The following MBOAT2 variants were observed in gnomAD, a reference collection of about 807,000 sequenced individuals.
The protein encoded by MBOAT2 is membrane bound glycerophospholipid O-acyltransferase 2, also known as membrane-bound glycerophospholipid O-acyltransferase 2.
Under a neutral mutation model 63.4 loss-of-function variants are expected in MBOAT2, and 28 were observed. The ratio of observed to expected loss-of-function variants is 0.44; its 90% CI spans 0.33 to 0.61. The LOEUF (loss-of-function observed/expected upper bound fraction) is 0.61. Among genes scored for constraint, MBOAT2 ranks in the 20% least tolerant of loss-of-function variants. The probability of loss-of-function intolerance (pLI) is 0.03; values close to 1 mark genes in which losing one functional copy is unlikely to be tolerated. For missense variants in MBOAT2, 470 were observed against 605.8 expected (o/e 0.78, Z 2.35); for synonymous variants, 211 against 215.6 (o/e 0.98, Z 0.19).
At chr2:8,915,415 G>A (rs1222506398) in intron 3 of MBOAT2, among the ~76,000 whole-genome samples, 2 of 152,128 alleles carry the variant, frequency 1.3e-5, no homozygotes, top group Non-Finnish European at 2.9e-5. Context: ...CACCCATGAG[G>A]TAATCAGCTG....
intron 1 of MBOAT2, among the ~76,000 whole-genome samples, chr2:8,963,680 G>C (rs923932000): frequency 2.0e-5 from 3 of 152,190 alleles, no homozygotes; most frequent in Non-Finnish European, 2.9e-5. Context: ...TGATATGGAA[G>C]ATTACCAAGA....
chr2:8,969,672 A>C (rs1419091619), intron 1 of MBOAT2, among the ~76,000 whole-genome samples: 1 of 152,206 alleles, frequency 6.6e-6, no homozygotes, highest in Non-Finnish European at 1.5e-5. Flanking sequence ...GGGATGGAGG[A>C]AGATCTACCA....
intron 3 of MBOAT2, among the ~76,000 whole-genome samples, chr2:8,939,273 T>C (rs1453104125): frequency 6.6e-6 from 1 of 152,172 alleles, no homozygotes. Context: ...CCCACATCCA[T>C]GTCCTGTGCC....
chr2:8,862,346 G>T lies in MBOAT2; in HGVS notation c.1185+244C>A, dbSNP rs1661553051. ...TTCTGTAAAGACAAAGTAACATTTT[G>T]TGAGTGCCTCCTACCTGCCGGGCAC... On this transcript the variant is annotated intron_variant, in intron 11 of 12. Coordinates refer to ENST00000305997, the MANE Select transcript of MBOAT2 (RefSeq NM_138799.4). This position sits in a 1 kb window ranked among gnomAD's most constrained non-coding sequence, Gnocchi z 4.3. The T allele has an allele frequency of 2.8e-6, 4 of 1,432,390 alleles. No homozygotes were observed. The highest frequency in any genetic ancestry group is 1.2e-5 in the South Asian group (1 of 81,716). The allele number at this position is 1,432,390 out of a possible 1,614,324, so 88.7% of individuals were successfully genotyped here.
chr2:8,944,513 G>A (rs890456403), intron 2 of MBOAT2, among the ~76,000 whole-genome samples: 2 of 152,106 alleles, frequency 1.3e-5, no homozygotes, highest in Admixed American at 6.5e-5. Flanking sequence ...CACCTCCAAT[G>A]TGGAAAAGTT....
At chr2:8,880,224 G>A (rs1663009849) in intron 6 of MBOAT2, among the ~76,000 whole-genome samples, 1 of 151,944 alleles carries the variant, frequency 6.6e-6, no homozygotes, top group Non-Finnish European at 1.5e-5. Flanking sequence ...AGAAAATGAG[G>A]GTTTGTACTG....
At chr2:8,952,658 A>C (rs1259963252) in intron 2 of MBOAT2, among the ~76,000 whole-genome samples, 1 of 151,878 alleles carries the variant, frequency 6.6e-6, no homozygotes, top group East Asian at 1.9e-4. Context: ...CTTGAGAGGG[A>C]GGATTTTATG....
At chr2:8,892,838 AT>A (rs1375166676) in intron 4 of MBOAT2, among the ~76,000 whole-genome samples, 2 of 152,076 alleles carry the variant, frequency 1.3e-5, no homozygotes, top group African/African-American at 4.8e-5. Context: ...ATGTTGGAGG[AT>A]CAGTACGGAG....
At chr2:8,945,647 A>C (rs1668362658) in intron 2 of MBOAT2, among the ~76,000 whole-genome samples, 1 of 152,132 alleles carries the variant, frequency 6.6e-6, no homozygotes, top group Admixed American at 6.5e-5. Flanking sequence ...TGATTCTCTA[A>C]GGAATGCAGC....
chr2:8,896,538 T>C (rs1242423949), intron 4 of MBOAT2, among the ~76,000 whole-genome samples: 4 of 152,236 alleles, frequency 2.6e-5, no homozygotes, highest in Non-Finnish European at 2.9e-5. Context: ...GGATAATGCA[T>C]GTTACACTGT....
intron 3 of MBOAT2, among the ~76,000 whole-genome samples, chr2:8,912,328 A>G (rs567062111): frequency 1.0e-5 from 1 of 99,772 alleles, no homozygotes; most frequent in East Asian, 2.6e-4. Context: ...AGAAAGAAAG[A>G]AAGAAAGAAA....
At chr2:8,976,501 C>T (rs1406243890) in intron 1 of MBOAT2, among the ~76,000 whole-genome samples, 1 of 152,094 alleles carries the variant, frequency 6.6e-6, no homozygotes, top group Non-Finnish European at 1.5e-5. Flanking sequence ...TAAGGCTCAA[C>T]AACATACACA....
chr2:8,987,593 C>T (rs1219490205), intron 1 of MBOAT2, among the ~76,000 whole-genome samples: 2 of 152,266 alleles, frequency 1.3e-5, no homozygotes, highest in East Asian at 3.9e-4. Context: ...AGCATGGACA[C>T]CTCATTGTTT....
intron 4 of MBOAT2, among the ~76,000 whole-genome samples, chr2:8,901,524 A>C (rs1664923495): frequency 6.6e-6 from 1 of 152,222 alleles, no homozygotes; most frequent in Admixed American, 6.5e-5. Flanking sequence ...GTTATGCCCC[A>C]AAAATGAAGT....
rs976697160 is a variant in MBOAT2, at chr2:8,919,793, T to C, written c.300-11077A>G. On this transcript the variant is annotated intron_variant, in intron 3 of 12. Coordinates refer to ENST00000305997, the MANE Select transcript of MBOAT2 (RefSeq NM_138799.4). ...TTTGTTTTGAGACAGGTTCTCGCTG[T>C]TTCCCAGGCTGGAGCACAGTGGTAC... Among the ~76,000 whole-genome samples, 4 of 152,176 alleles carry C rather than the reference T, an allele frequency of 2.6e-5. No homozygotes were observed. The South Asian group carries it at 8.3e-4, about 31-fold the overall frequency.
chr2:8,890,293 C>A (rs532930305), intron 4 of MBOAT2, among the ~76,000 whole-genome samples: 51 of 152,102 alleles, frequency 3.4e-4, no homozygotes, highest in Admixed American at 2.2e-3. Context: ...CCCACAAAAA[C>A]ACACACACAC....
At chr2:8,900,129 T>C (rs1217334341) in intron 4 of MBOAT2, among the ~76,000 whole-genome samples, 1 of 152,192 alleles carries the variant, frequency 6.6e-6, no homozygotes, top group Non-Finnish European at 1.5e-5. Flanking sequence ...TTTTTCCTAA[T>C]TCTTCTTAGT....
At chr2:8,859,853 A>G (rs1370680976) in intron 12 of MBOAT2, among the ~76,000 whole-genome samples, 1 of 152,214 alleles carries the variant, frequency 6.6e-6, no homozygotes, top group Admixed American at 6.5e-5. Flanking sequence ...TCAATCAAAC[A>G]TAAAAGACAC....
chr2:8,877,368 T>C lies in MBOAT2; in HGVS notation c.507-155A>G, dbSNP rs76056176. 4.6e-3 allele frequency among the ~76,000 whole-genome samples: 706 copies of C among 152,364 alleles called. 1 individual carries two copies. The highest frequency in any genetic ancestry group is 0.015 in the African/African-American group (644 of 41,584). ...AATAAGAATTTTAAGGATCAGAACA[T>C]AGTCATGCTCAAAAGTATGTCTGAA... On this transcript the variant is annotated intron_variant, in intron 6 of 12. Coordinates refer to ENST00000305997, the MANE Select transcript of MBOAT2 (RefSeq NM_138799.4).
Sources: gnomAD v4.1 joint callset for allele counts (sites outside exome capture counted in the v4.1 genomes callset) on GRCh38, gnomAD v4.1.1 for gene constraint, Gnocchi (gnomAD v3.1) non-coding constraint, MANE v1.5 for transcripts, NCBI Gene and HGNC (gene_info 2026-07-23, HGNC 2026-07-21) for gene names.